Variants in BRINP3 observed in about 807,000 individuals in gnomAD.
BRINP3 encodes the protein BMP/retinoic acid inducible neural specific 3.
A neutral mutation model predicts 71.0 loss-of-function variants in BRINP3; 19 were observed. That is an observed-to-expected ratio of 0.27 (90% CI 0.19 to 0.39). The LOEUF is 0.39. Among genes scored for constraint, BRINP3 ranks in the 10% least tolerant of loss-of-function variants. The probability of loss-of-function intolerance (pLI) is 1.00; values close to 1 mark genes in which losing one functional copy is unlikely to be tolerated. For synonymous variants in BRINP3, 380 were observed against 337.7 expected (o/e 1.13, Z -1.37); for missense variants, 959 against 940.8 (o/e 1.02, Z -0.25).
chr1:190,464,492 T>C (rs542759168), intron 1 of BRINP3, among the ~76,000 whole-genome samples: 2 of 152,062 alleles, frequency 1.3e-5, no homozygotes, highest in Admixed American at 6.6e-5. Context: ...TGGCAGTTAT[T>C]ATGTTTTCGT....
At chr1:190,205,389 G>T (rs1210442946) in intron 6 of BRINP3, among the ~76,000 whole-genome samples, 1 of 151,896 alleles carries the variant, frequency 6.6e-6, no homozygotes, top group Non-Finnish European at 1.5e-5. Flanking sequence ...TGGGTAGGAG[G>T]CAGACAACAG....
chr1:190,399,823 T>C (rs1671811352), intron 2 of BRINP3, among the ~76,000 whole-genome samples: 1 of 152,022 alleles, frequency 6.6e-6, no homozygotes, highest in African/African-American at 2.4e-5. Flanking sequence ...CTTTTAGAAC[T>C]GTAAAGCATG....
At chr1:190,275,881 C>A (rs1662509399) in intron 3 of BRINP3, among the ~76,000 whole-genome samples, 1 of 150,542 alleles carries the variant, frequency 6.6e-6, no homozygotes, top group Admixed American at 6.7e-5. Context: ...GCCTTGTAAA[C>A]AATTAAAAAA....
chr1:190,416,949 T>C (rs575318311), intron 2 of BRINP3, among the ~76,000 whole-genome samples: 1 of 152,312 alleles, frequency 6.6e-6, no homozygotes, highest in East Asian at 1.9e-4. Context: ...TTCTCTGGAT[T>C]CATCACTGTA....
intron 3 of BRINP3, among the ~76,000 whole-genome samples, chr1:190,268,174 G>C (rs556949376): frequency 1.3e-4 from 19 of 151,936 alleles, no homozygotes; most frequent in Non-Finnish European, 2.4e-4. Context: ...AAACAAAAAC[G>C]CTGCTATCCT....
At chr1:190,299,856 T>C (rs943357004) in intron 2 of BRINP3, among the ~76,000 whole-genome samples, 1 of 151,982 alleles carries the variant, frequency 6.6e-6, no homozygotes, top group Non-Finnish European at 1.5e-5. Context: ...AATTCTTTTC[T>C]TTAAGAATGT....
intron 3 of BRINP3, among the ~76,000 whole-genome samples, chr1:190,266,695 C>A (rs1472927511): frequency 2.6e-5 from 4 of 151,982 alleles, no homozygotes; most frequent in Non-Finnish European, 5.9e-5. Flanking sequence ...TCAGAATGAC[C>A]AATGAATCAG....
intron 6 of BRINP3, among the ~76,000 whole-genome samples, chr1:190,179,447 T>G (rs1179934403): frequency 6.6e-6 from 1 of 152,148 alleles, no homozygotes; most frequent in Non-Finnish European, 1.5e-5. Context: ...CCCAAAAGAC[T>G]GTTTGTAATC....
At chr1:190,389,932 A>G (rs1322028862) in intron 2 of BRINP3, among the ~76,000 whole-genome samples, 2 of 151,848 alleles carry the variant, frequency 1.3e-5, no homozygotes, top group South Asian at 2.1e-4. Flanking sequence ...CCAAAAGTCC[A>G]GAGAAATTGG....
chr1:190,329,332 C>T (rs1666812246), intron 2 of BRINP3, among the ~76,000 whole-genome samples: 2 of 151,782 alleles, frequency 1.3e-5, no homozygotes, highest in South Asian at 4.1e-4. Context: ...TTCAGTAAAG[C>T]TTTAGGATAT....
chr1:190,262,785 A>T (rs1661299990), intron 4 of BRINP3, among the ~76,000 whole-genome samples: 1 of 152,150 alleles, frequency 6.6e-6, no homozygotes, highest in Non-Finnish European at 1.5e-5. Flanking sequence ...TTTTGACCAC[A>T]CAGCTAGATT....
intron 7 of BRINP3, among the ~76,000 whole-genome samples, chr1:190,106,953 A>G (rs576727670): frequency 1.3e-5 from 2 of 152,030 alleles, no homozygotes; most frequent in African/African-American, 4.8e-5. Context: ...ACAATTTAGC[A>G]TCCCTTTAAA....
chr1:190,347,997 T>C (rs1036669122), intron 2 of BRINP3, among the ~76,000 whole-genome samples: 1 of 152,116 alleles, frequency 6.6e-6, no homozygotes, highest in Non-Finnish European at 1.5e-5. Context: ...AACAGCAATA[T>C]TTTAATATAG....
intron 1 of BRINP3, among the ~76,000 whole-genome samples, chr1:190,465,985 G>T (rs1263509718): frequency 6.6e-6 from 1 of 151,698 alleles, no homozygotes. Context: ...GCCTTTCCTG[G>T]CAGAATCTAA....
intron 6 of BRINP3, among the ~76,000 whole-genome samples, chr1:190,168,143 A>T (rs1236805834): frequency 6.6e-6 from 1 of 152,124 alleles, no homozygotes; most frequent in Non-Finnish European, 1.5e-5. Context: ...GAAATTTTAG[A>T]GTTTACTAAT....
At chr1:190,455,169 T>A (rs1675903287) in intron 1 of BRINP3, among the ~76,000 whole-genome samples, 1 of 152,156 alleles carries the variant, frequency 6.6e-6, no homozygotes, top group African/African-American at 2.4e-5. Context: ...ATAACAGACT[T>A]TGTCATAACA....
At chr1:190,233,694 C>T (rs890136207) in intron 5 of BRINP3, among the ~76,000 whole-genome samples, 1 of 152,150 alleles carries the variant, frequency 6.6e-6, no homozygotes, top group Non-Finnish European at 1.5e-5. Flanking sequence ...CTTCTCTGAA[C>T]TTGTTCAACT....
chr1:190,466,251 A>G (rs182674021), intron 1 of BRINP3, among the ~76,000 whole-genome samples: 6 of 151,908 alleles, frequency 3.9e-5, no homozygotes, highest in Admixed American at 6.6e-5. Flanking sequence ...TAATCTAAGA[A>G]CAATTCTCAA....
chr1:190,317,714 G>A (rs191098219), intron 2 of BRINP3, among the ~76,000 whole-genome samples: 194 of 151,788 alleles, frequency 1.3e-3, no homozygotes, highest in African/African-American at 3.5e-3. Flanking sequence ...GCCTTTACCC[G>A]TATTGTTTCC....
Sources: gnomAD v4.1 joint callset for allele counts (sites outside exome capture counted in the v4.1 genomes callset) on GRCh38, gnomAD v4.1.1 for gene constraint, MANE v1.5 for transcripts, NCBI Gene and HGNC (gene_info 2026-07-23, HGNC 2026-07-21) for gene names.